The following THSD4 variants were observed in gnomAD, a reference collection of about 807,000 sequenced individuals.
The protein encoded by THSD4 is thrombospondin type-1 domain-containing protein 4.
In THSD4, 69 loss-of-function variants were observed where a neutral mutation model predicts 119.0. The observed-to-expected ratio is 0.58, with a 90% confidence interval of 0.48 to 0.71. The LOEUF (loss-of-function observed/expected upper bound fraction) is 0.71, where lower values mean the gene tolerates loss of function less well. THSD4 is among the 30% of genes least tolerant of loss of function. The pLI, the probability that THSD4 is intolerant of heterozygous loss-of-function variation, is 0.00. For synonymous variants in THSD4, 524 were observed against 540.4 expected, an observed-to-expected ratio of 0.97 and a Z score of 0.42; for missense variants, 1,393 against 1,391.1, an observed-to-expected ratio of 1.00 and a Z score of -0.02.
intron 7 of THSD4, among the ~76,000 whole-genome samples, chr15:71,598,343 CG>C (rs1433628151): frequency 6.6e-6 from 1 of 152,050 alleles, no homozygotes; most frequent in African/African-American, 2.4e-5. Flanking sequence ...AAAAGTCAAA[CG>C]GGACACATCC....
chr15:71,596,993 A>C (rs1197709391), intron 7 of THSD4, among the ~76,000 whole-genome samples: 2 of 152,204 alleles, frequency 1.3e-5, no homozygotes, highest in Non-Finnish European at 2.9e-5. Flanking sequence ...GGCAAAGGGG[A>C]GCTCTTGCTA....
At chr15:71,465,291 A>G (rs558609793) in intron 7 of THSD4, among the ~76,000 whole-genome samples, 2 of 152,328 alleles carry the variant, frequency 1.3e-5, no homozygotes, top group African/African-American at 4.8e-5. Flanking sequence ...TCATAAACAA[A>G]TGAGCTCCCT....
At chr15:71,587,525 A>G (rs2049696386) in intron 7 of THSD4, among the ~76,000 whole-genome samples, 1 of 116,182 alleles carries the variant, frequency 8.6e-6, no homozygotes, top group South Asian at 3.3e-4. Flanking sequence ...TCGCAAGAAC[A>G]AAAAACCAAA....
intron 8 of THSD4, among the ~76,000 whole-genome samples, chr15:71,728,172 G>C (rs1323748824): frequency 6.6e-6 from 1 of 152,012 alleles, no homozygotes; most frequent in Admixed American, 6.6e-5. Flanking sequence ...CAGCTCGTGG[G>C]CTGCCAGCGT....
intron 6 of THSD4, among the ~76,000 whole-genome samples, chr15:71,395,946 C>CACACAA (rs2046447508): frequency 6.7e-6 from 1 of 149,896 alleles, no homozygotes; most frequent in African/African-American, 2.4e-5. Flanking sequence ...CACACACACA[C>CACACAA]ACACACAAAC....
chr15:71,710,139 A>G (rs2052479965), intron 8 of THSD4, among the ~76,000 whole-genome samples: 1 of 152,242 alleles, frequency 6.6e-6, no homozygotes, highest in Non-Finnish European at 1.5e-5. Flanking sequence ...GAAGTTTTCC[A>G]GTTTATTTAA....
At chr15:71,485,753 A>G (rs1477951056) in intron 7 of THSD4, among the ~76,000 whole-genome samples, 3 of 152,152 alleles carry the variant, frequency 2.0e-5, no homozygotes, top group Admixed American at 1.3e-4. Context: ...TTGAATGACA[A>G]ATATTTACTG....
At chr15:71,498,496 C>T (rs2048061366) in intron 7 of THSD4, among the ~76,000 whole-genome samples, 1 of 152,212 alleles carries the variant, frequency 6.6e-6, no homozygotes, top group African/African-American at 2.4e-5. Flanking sequence ...CCATGGCTGC[C>T]TCTCCTAATA....
At chr15:71,165,257 G>A in intron 3 of THSD4, 3 of 1,562,602 alleles carry the variant, frequency 1.9e-6, no homozygotes, top group East Asian at 2.2e-5. Context: ...TTTGTCTTTA[G>A]CAGAAATGGT....
At chr15:71,713,161 A>G (rs991782332) in intron 8 of THSD4, among the ~76,000 whole-genome samples, 2 of 152,234 alleles carry the variant, frequency 1.3e-5, no homozygotes, top group Non-Finnish European at 2.9e-5. Context: ...TTAATCCAAT[A>G]TGCCATCATT....
chr15:71,624,256 C>G (rs1309221942), intron 7 of THSD4, among the ~76,000 whole-genome samples: 1 of 152,222 alleles, frequency 6.6e-6, no homozygotes, highest in African/African-American at 2.4e-5. Context: ...AGTGAGAACA[C>G]TTGAGCAAAG....
intron 7 of THSD4, among the ~76,000 whole-genome samples, chr15:71,441,350 A>G (rs1371228029): frequency 5.9e-5 from 2 of 33,812 alleles, no homozygotes; most frequent in African/African-American, 1.8e-4. Flanking sequence ...TTCGGGAGAG[A>G]GGGATGGAAG....
chr15:71,578,534 G>A (rs991195130), intron 7 of THSD4, among the ~76,000 whole-genome samples: 7 of 151,574 alleles, frequency 4.6e-5, no homozygotes, highest in African/African-American at 1.2e-4. Context: ...ACAGGATTTC[G>A]CCATGTTGCC....
chr15:71,113,268 G>A (rs988321208), upstream of THSD4, among the ~76,000 whole-genome samples: 5 of 152,152 alleles, frequency 3.3e-5, no homozygotes, highest in Non-Finnish European at 5.9e-5. Context: ...GCAAAATATG[G>A]TCAAAACAAT....
intron 3 of THSD4, among the ~76,000 whole-genome samples, chr15:71,163,160 A>C (rs1040336642): frequency 6.6e-6 from 1 of 151,434 alleles, no homozygotes; most frequent in African/African-American, 2.4e-5. Flanking sequence ...GTTAATGAAG[A>C]CTTATTATGC....
At chr15:71,421,424 GT>G (rs2046806056) in intron 7 of THSD4, among the ~76,000 whole-genome samples, 2 of 152,132 alleles carry the variant, frequency 1.3e-5, no homozygotes, top group South Asian at 4.1e-4. Flanking sequence ...TTTGAAGGGT[GT>G]TTTCGCCAGA....
chr15:71,717,397 T>C (rs1174586741), intron 8 of THSD4, among the ~76,000 whole-genome samples: 2 of 152,184 alleles, frequency 1.3e-5, no homozygotes, highest in African/African-American at 4.8e-5. Flanking sequence ...AAATTACATG[T>C]CTGTATCACA....
chr15:71,756,239 G>C (rs906352060), intron 14 of THSD4, among the ~76,000 whole-genome samples: 23 of 152,194 alleles, frequency 1.5e-4, no homozygotes, highest in African/African-American at 5.5e-4. Context: ...AAAGTAAACT[G>C]TGCTGGGAAC....
chr15:71,339,220 T>C lies in THSD4; in HGVS notation c.1016-72467T>C, dbSNP rs140801358. Among the ~76,000 whole-genome samples the C allele has an allele frequency of 5.3e-4, 81 of 152,312 alleles. 1 individual carries two copies. The East Asian group carries it at 0.015, about 28-fold the overall frequency. On this transcript the variant is annotated intron_variant, in intron 6 of 17. Transcript: ENST00000261862. ...TTATCTCCATTAAACTTTTTCAGTG[T>C]TCTATGCTGAGTTTTTTGTATTTTT...
Sources: allele counts gnomAD v4.1 joint callset (sites outside exome capture counted in the v4.1 genomes callset), GRCh38; gene constraint gnomAD v4.1.1; transcripts MANE v1.5; gene names NCBI Gene and HGNC (gene_info 2026-07-23, HGNC 2026-07-21).